Variants in TMEM132D observed in about 807,000 individuals in gnomAD.
The protein encoded by TMEM132D is mature OL transmembrane protein.
A neutral mutation model predicts 62.3 loss-of-function variants in TMEM132D; 21 were observed. The observed-to-expected ratio is 0.34, with a 90% confidence interval of 0.24 to 0.49. The LOEUF (loss-of-function observed/expected upper bound fraction) is 0.49. Among genes scored for constraint, TMEM132D ranks in the 20% least tolerant of loss-of-function variants. The probability of loss-of-function intolerance (pLI) is 0.99; values close to 1 mark genes in which losing one functional copy is unlikely to be tolerated. For synonymous variants in TMEM132D, 621 were observed against 575.6 expected, an observed-to-expected ratio of 1.08 and a Z score of -1.13; for missense variants, 1,346 against 1,402.8, an observed-to-expected ratio of 0.96 and a Z score of 0.65.
At chr12:129,300,258 G>A (rs1881679248) in intron 4 of TMEM132D, among the ~76,000 whole-genome samples, 1 of 152,198 alleles carries the variant, frequency 6.6e-6, no homozygotes, top group Admixed American at 6.5e-5. Context: ...TGATTAACCT[G>A]CAAAGCAAGG....
intron 3 of TMEM132D, among the ~76,000 whole-genome samples, chr12:129,431,796 C>T (rs1312405422): frequency 6.6e-6 from 1 of 152,174 alleles, no homozygotes; most frequent in Non-Finnish European, 1.5e-5. Flanking sequence ...TAGTCTTTGC[C>T]TATGTCTTTG....
At chr12:129,755,531 C>G (rs1449947204) in intron 1 of TMEM132D, among the ~76,000 whole-genome samples, 1 of 152,098 alleles carries the variant, frequency 6.6e-6, no homozygotes, top group East Asian at 1.9e-4. Context: ...TCATCAGGGT[C>G]TGGTGGTTTC....
At chr12:129,850,412 G>A (rs75492229) in intron 1 of TMEM132D, among the ~76,000 whole-genome samples, 1,879 of 152,286 alleles carry the variant, frequency 0.012, 42 homozygotes, top group African/African-American at 0.042. Flanking sequence ...CCAAGTTCAC[G>A]GGAAACTTGG....
At chr12:129,265,953 G>A (rs1880680318) in intron 4 of TMEM132D, among the ~76,000 whole-genome samples, 1 of 152,064 alleles carries the variant, frequency 6.6e-6, no homozygotes. Flanking sequence ...CTGCAATGGG[G>A]GACCTTTGTC....
intron 2 of TMEM132D, among the ~76,000 whole-genome samples, chr12:129,553,110 C>A (rs555256851): frequency 3.2e-4 from 48 of 152,274 alleles, no homozygotes; most frequent in African/African-American, 1.1e-3. Context: ...CAGGCTCTTC[C>A]CCTTTTGAGA....
intron 2 of TMEM132D, among the ~76,000 whole-genome samples, chr12:129,603,511 T>C (rs1878536391): frequency 6.6e-6 from 1 of 152,156 alleles, no homozygotes; most frequent in South Asian, 2.1e-4. Context: ...TGAATAATAT[T>C]CCATTGCCTG....
At chr12:129,125,026 C>T (rs568955176) in intron 5 of TMEM132D, among the ~76,000 whole-genome samples, 2 of 152,168 alleles carry the variant, frequency 1.3e-5, no homozygotes, top group African/African-American at 4.8e-5. Context: ...GGCATATTTA[C>T]CTTAGGGATA....
intron 2 of TMEM132D, among the ~76,000 whole-genome samples, chr12:129,655,914 A>G (rs922518371): frequency 1.3e-5 from 2 of 152,122 alleles, no homozygotes; most frequent in Admixed American, 1.3e-4. Flanking sequence ...CAGACAAAAA[A>G]CTGGCCATGG....
chr12:129,374,650 G>C (rs1468794393), intron 3 of TMEM132D, among the ~76,000 whole-genome samples: 1 of 152,162 alleles, frequency 6.6e-6, no homozygotes, highest in Admixed American at 6.5e-5. Flanking sequence ...ACATTTTCTA[G>C]AGGCTGCCCG....
chr12:129,381,499 CCT>C (rs1870949148), intron 3 of TMEM132D, among the ~76,000 whole-genome samples: 2 of 152,114 alleles, frequency 1.3e-5, no homozygotes, highest in African/African-American at 4.8e-5. Context: ...TTCCAGAGAG[CCT>C]ACTGCCATCT....
At chr12:129,875,318 G>C (rs1874380755) in intron 1 of TMEM132D, among the ~76,000 whole-genome samples, 1 of 152,212 alleles carries the variant, frequency 6.6e-6, no homozygotes, top group Non-Finnish European at 1.5e-5. Flanking sequence ...AGTGCCTCAG[G>C]TGCTATCTGT....
chr12:129,086,906 T>C (rs533192821), intron 5 of TMEM132D, among the ~76,000 whole-genome samples: 1 of 152,276 alleles, frequency 6.6e-6, no homozygotes, highest in African/African-American at 2.4e-5. Context: ...GATAGAATTT[T>C]AGTTCTTTGA....
chr12:129,869,455 A>G (rs1874172060), intron 1 of TMEM132D, among the ~76,000 whole-genome samples: 1 of 152,166 alleles, frequency 6.6e-6, no homozygotes, highest in Admixed American at 6.5e-5. Context: ...AATCATCTCT[A>G]GGTTACTCAT....
intron 4 of TMEM132D, among the ~76,000 whole-genome samples, chr12:129,234,109 T>G (rs1188430821): frequency 6.6e-6 from 1 of 152,174 alleles, no homozygotes; most frequent in Non-Finnish European, 1.5e-5. Flanking sequence ...ACTTTAGAAG[T>G]TGACATTTAG....
chr12:129,836,906 G>A (rs1873024509), intron 1 of TMEM132D, among the ~76,000 whole-genome samples: 2 of 152,190 alleles, frequency 1.3e-5, no homozygotes, highest in Non-Finnish European at 2.9e-5. Context: ...GCCATTTACA[G>A]ACTAATTAAG....
At chr12:129,648,928 G>A (rs937494530) in intron 2 of TMEM132D, among the ~76,000 whole-genome samples, 1 of 152,148 alleles carries the variant, frequency 6.6e-6, no homozygotes, top group Admixed American at 6.5e-5. Context: ...GGGCCAAACT[G>A]GAGAGGTCTC....
chr12:129,135,385 T>C (rs1312690301), intron 5 of TMEM132D, among the ~76,000 whole-genome samples: 1 of 152,196 alleles, frequency 6.6e-6, no homozygotes, highest in Non-Finnish European at 1.5e-5. Flanking sequence ...AGTTACATTG[T>C]TACCCAGGTA....
intron 5 of TMEM132D, among the ~76,000 whole-genome samples, chr12:129,156,675 C>T (rs189136566): frequency 3.3e-4 from 50 of 152,012 alleles, no homozygotes; most frequent in Non-Finnish European, 5.9e-5. Flanking sequence ...AATCCACTCA[C>T]GAGATAAATA....
chr12:129,708,028 C>T (rs1881546824), intron 1 of TMEM132D, among the ~76,000 whole-genome samples: 1 of 152,076 alleles, frequency 6.6e-6, no homozygotes, highest in African/African-American at 2.4e-5. Flanking sequence ...ACCAGCTTGG[C>T]CAACATGGTG....
Sources: allele counts gnomAD v4.1 joint callset (sites outside exome capture counted in the v4.1 genomes callset), GRCh38; gene constraint gnomAD v4.1.1; transcripts MANE v1.5; gene names NCBI Gene and HGNC (gene_info 2026-07-23, HGNC 2026-07-21).